TANC1: variants seen among roughly 807,000 people sequenced by gnomAD.
The protein encoded by TANC1 is protein TANC1.
A neutral mutation model predicts 149.7 loss-of-function variants in TANC1; 77 were observed. The observed-to-expected ratio is 0.51, with a 90% CI of 0.43 to 0.62. TANC1 has a LOEUF of 0.62. Among genes scored for constraint, TANC1 ranks in the 20% least tolerant of loss-of-function variants. TANC1 has a pLI of 0.00. For synonymous variants in TANC1, 854 were observed against 925.0 expected, an observed-to-expected ratio of 0.92 and a Z score of 1.39; for missense variants, 1,985 against 2,321.8, an observed-to-expected ratio of 0.85 and a Z score of 2.98.
chr2:159,143,551 C>CAAAAAAA (rs56992262), intron 5 of TANC1, among the ~76,000 whole-genome samples: 12 of 67,294 alleles, frequency 1.8e-4, no homozygotes, highest in South Asian at 9.6e-4. Context: ...GACCCCATCT[C>CAAAAAAA]AAAAAAAAAA....
rs1253058197 is a variant in TANC1, at chr2:159,232,560, T to C, written c.*1548T>C. Reference sequence around the variant, plus strand: ...GTTTTGCTGTAACTACTATGGCTTATTTATTTTCTTTAATATTTGTGAAAG... The same window carrying C: ...GTTTTGCTGTAACTACTATGGCTTACTTATTTTCTTTAATATTTGTGAAAG... On this transcript the variant is annotated 3_prime_UTR_variant, in exon 27 of 27. Transcript: ENST00000263635. 6.5e-6 allele frequency: 1 copy of C among 152,770 alleles called. No homozygotes were observed. Among genetic ancestry groups the C allele is most frequent in the East Asian group, 1.9e-4 (1 of 5,186 alleles). The allele number at this position is 152,770 out of a possible 1,614,324, so 9.5% of individuals were successfully genotyped here.
chr2:159,165,843 C>T (rs1431966461), intron 8 of TANC1, among the ~76,000 whole-genome samples: 5 of 152,234 alleles, frequency 3.3e-5, no homozygotes, highest in African/African-American at 1.2e-4. Context: ...TGTTCACAGC[C>T]TCCTCATGGG....
intron 3 of TANC1, among the ~76,000 whole-genome samples, chr2:159,090,151 G>C (rs567965445): frequency 7.9e-5 from 12 of 152,222 alleles, no homozygotes; most frequent in Middle Eastern, 3.4e-3. Context: ...TATCCTTCTC[G>C]AGACCCTCCA....
At chr2:159,006,878 T>A (rs1321409002) in intron 2 of TANC1, among the ~76,000 whole-genome samples, 1 of 152,230 alleles carries the variant, frequency 6.6e-6, no homozygotes, top group South Asian at 2.1e-4. Flanking sequence ...CACAAACTCC[T>A]AAGGATTAAA....
At chr2:158,992,194 T>C (rs1401125319) in intron 1 of TANC1, among the ~76,000 whole-genome samples, 1 of 151,854 alleles carries the variant, frequency 6.6e-6, no homozygotes, top group Non-Finnish European at 1.5e-5. Flanking sequence ...TGAGACCTCA[T>C]CTCTAGAAAA....
At chr2:159,028,007 C>T (rs2039485244) in intron 2 of TANC1, among the ~76,000 whole-genome samples, 2 of 152,158 alleles carry the variant, frequency 1.3e-5, no homozygotes, top group African/African-American at 2.4e-5. Flanking sequence ...CCGATGACCT[C>T]ATCTCATCCT....
At chr2:159,109,195 T>C (rs1036132264) in intron 4 of TANC1, among the ~76,000 whole-genome samples, 2 of 152,166 alleles carry the variant, frequency 1.3e-5, no homozygotes, top group African/African-American at 4.8e-5. Context: ...GCAGGCTGTC[T>C]CTGTCTGCCC....
At chr2:159,195,079 A>T (rs969198180) in intron 17 of TANC1, among the ~76,000 whole-genome samples, 2 of 152,176 alleles carry the variant, frequency 1.3e-5, no homozygotes, top group African/African-American at 4.8e-5. Flanking sequence ...ATTCAGTCAT[A>T]TATGAAGTAA....
chr2:159,053,582 G>T (rs1282590471), intron 2 of TANC1, among the ~76,000 whole-genome samples: 3 of 152,156 alleles, frequency 2.0e-5, no homozygotes, highest in African/African-American at 7.2e-5. Flanking sequence ...TTATTAGACT[G>T]TATAAAATTG....
At chr2:159,082,137 A>G (rs1403243231) in intron 3 of TANC1, among the ~76,000 whole-genome samples, 3 of 152,154 alleles carry the variant, frequency 2.0e-5, no homozygotes, top group African/African-American at 4.8e-5. Context: ...TAGTAAACAG[A>G]GACTAAAGAA....
At chr2:158,974,756 A>C (rs2033415714) in intron 1 of TANC1, among the ~76,000 whole-genome samples, 1 of 151,016 alleles carries the variant, frequency 6.6e-6, no homozygotes, top group African/African-American at 2.4e-5. Flanking sequence ...ATTTTGAGAA[A>C]GGGTTTCCAT....
At chr2:159,203,203 T>C (rs1194148785) in intron 19 of TANC1, among the ~76,000 whole-genome samples, 1 of 129,304 alleles carries the variant, frequency 7.7e-6, no homozygotes, top group East Asian at 2.8e-4. Flanking sequence ...GATAGGCTTT[T>C]CTTTTCTTTT....
intron 4 of TANC1, among the ~76,000 whole-genome samples, chr2:159,131,636 C>A (rs896796569): frequency 1.3e-4 from 20 of 151,810 alleles, no homozygotes; most frequent in African/African-American, 3.9e-4. Context: ...TTTCTCCTTT[C>A]CCCACTGGTC....
chr2:159,185,765 G>T (rs2056914745), intron 14 of TANC1, 26 bp from the exon 15 acceptor site: 2 of 1,561,736 alleles, frequency 1.3e-6, no homozygotes, highest in African/African-American at 1.4e-5. Context: ...CTCTTCTGCT[G>T]TGAGCCTTTG....
intron 5 of TANC1, among the ~76,000 whole-genome samples, chr2:159,137,266 A>G (rs1169207929): frequency 1.3e-5 from 2 of 152,170 alleles, no homozygotes; most frequent in Non-Finnish European, 2.9e-5. Context: ...GTGGGTAATA[A>G]GTAGGACATG....
chr2:159,043,635 A>G (rs1257068670), intron 2 of TANC1, among the ~76,000 whole-genome samples: 1 of 152,074 alleles, frequency 6.6e-6, no homozygotes, highest in Non-Finnish European at 1.5e-5. Context: ...TCCCTTTTTT[A>G]TGGTGTCTAG....
At chr2:159,109,851 G>A (rs7569675) in intron 4 of TANC1, among the ~76,000 whole-genome samples, 101,543 of 152,014 alleles carry the variant, frequency 0.67, 33,983 homozygotes, top group Middle Eastern at 0.71. Context: ...GCACAAGAGT[G>A]GTGACGCTGG....
At chr2:159,082,404 G>A (rs1052120987) in intron 3 of TANC1, among the ~76,000 whole-genome samples, 9 of 150,440 alleles carry the variant, frequency 6.0e-5, no homozygotes, top group African/African-American at 2.2e-4. Flanking sequence ...TTAGAACAGT[G>A]CCTGAACCAC....
intron 8 of TANC1, among the ~76,000 whole-genome samples, chr2:159,167,764 G>T (rs1397611941): frequency 1.3e-5 from 2 of 152,184 alleles, no homozygotes; most frequent in African/African-American, 4.8e-5. Flanking sequence ...GAGCCACCCA[G>T]GTGGCTGTTG....
Sources: allele counts gnomAD v4.1 joint callset (sites outside exome capture counted in the v4.1 genomes callset), GRCh38; gene constraint gnomAD v4.1.1; transcripts MANE v1.5; gene names NCBI Gene and HGNC (gene_info 2026-07-23, HGNC 2026-07-21).